DMD: variants seen among roughly 807,000 people sequenced by gnomAD.
DMD encodes mutant dystrophin.
Under a neutral mutation model 330.1 loss-of-function variants are expected in DMD, and 63 were observed. The observed-to-expected ratio is 0.19, with a 90% confidence interval of 0.16 to 0.24. The LOEUF is 0.24. DMD is among the 10% of genes least tolerant of loss of function. DMD has a pLI of 1.00. For synonymous variants in DMD, 1,223 were observed against 959.8 expected, an observed-to-expected ratio of 1.27 and a Z score of -5.07; for missense variants, 3,344 against 2,684.1, an observed-to-expected ratio of 1.25 and a Z score of -5.43.
At chrX:31,224,089 T>C (rs1296736614) in intron 63 of DMD, among the ~76,000 whole-genome samples, 1 of 111,790 alleles carries the variant, frequency 8.9e-6, no homozygotes, top group African/African-American at 3.3e-5. Flanking sequence ...GCTACATTTA[T>C]TTCAGGAACT....
At chrX:31,675,529 G>C (rs1054223398) in intron 53 of DMD, among the ~76,000 whole-genome samples, 10 of 110,687 alleles carry the variant, frequency 9.0e-5, no homozygotes, top group African/African-American at 3.3e-4. Context: ...CGCCAGGCTA[G>C]TTTTTGTATT....
intron 48 of DMD, among the ~76,000 whole-genome samples, chrX:31,851,359 T>C (rs1278117171): frequency 8.0e-5 from 9 of 111,891 alleles, no homozygotes; most frequent in East Asian, 2.8e-4. Context: ...TAATGCAGCA[T>C]TGATTTTTAA....
chrX:31,560,181 T>C (rs1387742381), intron 55 of DMD, among the ~76,000 whole-genome samples: 4 of 112,066 alleles, frequency 3.6e-5, no homozygotes, highest in Non-Finnish European at 7.5e-5. Context: ...GGCTTGTGCA[T>C]GCAGATCTTT....
chrX:32,299,515 A>T (rs1419795931), intron 42 of DMD, among the ~76,000 whole-genome samples: 1 of 100,672 alleles, frequency 9.9e-6, no homozygotes, highest in Non-Finnish European at 2.0e-5. Context: ...TTCTGATACA[A>T]TTTTTTTTTT....
intron 33 of DMD, among the ~76,000 whole-genome samples, chrX:32,384,325 T>C (rs951786094): frequency 9.0e-6 from 1 of 110,561 alleles, no homozygotes; most frequent in Non-Finnish European, 1.9e-5. Flanking sequence ...CTGTCTGTGG[T>C]GATCTTTAAA....
chrX:31,670,490 T>G (rs2081694833), intron 53 of DMD, among the ~76,000 whole-genome samples: 1 of 111,955 alleles, frequency 8.9e-6, no homozygotes, highest in African/African-American at 3.2e-5. Context: ...CTTCTGTAAT[T>G]AAGTGTCACA....
At chrX:31,844,939 G>A (rs1362437148) in intron 48 of DMD, among the ~76,000 whole-genome samples, 1 of 109,479 alleles carries the variant, frequency 9.1e-6, no homozygotes, top group Non-Finnish European at 1.9e-5. Flanking sequence ...ATATGTACCA[G>A]GAAACCAAAA....
intron 9 of DMD, among the ~76,000 whole-genome samples, chrX:32,683,285 A>G (rs932355945): frequency 4.5e-5 from 5 of 110,745 alleles, no homozygotes; most frequent in African/African-American, 1.3e-4. Context: ...CAGCCATCAC[A>G]TTACTGGGTA....
At chrX:31,734,579 G>A (rs917058643) in intron 51 of DMD, among the ~76,000 whole-genome samples, 1 of 111,525 alleles carries the variant, frequency 9.0e-6, no homozygotes, top group South Asian at 3.8e-4. Context: ...ACAGAGGCCA[G>A]GTATTTTGTA....
intron 60 of DMD, among the ~76,000 whole-genome samples, chrX:31,349,963 C>T (rs111510326): frequency 0.014 from 1,545 of 111,747 alleles, 14 homozygotes; most frequent in Non-Finnish European, 0.022. Flanking sequence ...CAATTAAGTG[C>T]CTAGTGTATA....
At chrX:32,353,419 T>A (rs1354648627) in intron 37 of DMD, among the ~76,000 whole-genome samples, 1 of 111,603 alleles carries the variant, frequency 9.0e-6, no homozygotes, top group Non-Finnish European at 1.9e-5. Context: ...ACAAAGTATA[T>A]CATGCCTGCT....
chrX:31,131,659 A>C (rs1303785437), intron 77 of DMD, among the ~76,000 whole-genome samples: 1 of 111,610 alleles, frequency 9.0e-6, no homozygotes, highest in Non-Finnish European at 1.9e-5. Flanking sequence ...TATCAGCTGA[A>C]CACATCTACC....
chrX:32,864,424 G>A (rs1189834121), intron 2 of DMD, among the ~76,000 whole-genome samples: 2 of 112,166 alleles, frequency 1.8e-5, no homozygotes, highest in African/African-American at 6.5e-5. Context: ...GCAAGGGTTA[G>A]GTGAGTTTTA....
chrX:31,261,426 G>T (rs2050504301), intron 62 of DMD: 2 of 171,083 alleles, frequency 1.2e-5, no homozygotes, highest in South Asian at 2.4e-4. Context: ...CCGGACATTA[G>T]TTCAATAAAT....
At chrX:32,613,258 C>T (rs2057311794) in intron 12 of DMD, among the ~76,000 whole-genome samples, 1 of 110,740 alleles carries the variant, frequency 9.0e-6, no homozygotes, top group Admixed American at 9.7e-5. Flanking sequence ...ATGTGGCAAC[C>T]CTAATCCTGG....
At chrX:32,347,745 A>G (rs918146858) in intron 38 of DMD, among the ~76,000 whole-genome samples, 4 of 110,970 alleles carry the variant, frequency 3.6e-5, no homozygotes, top group Admixed American at 9.6e-5. Context: ...TGAAGAGAGA[A>G]AAAAAAAGTC....
chrX:31,956,812 G>T (rs2095250609), intron 45 of DMD, among the ~76,000 whole-genome samples: 1 of 112,250 alleles, frequency 8.9e-6, no homozygotes, highest in Admixed American at 9.4e-5. Context: ...AACAAGAAAG[G>T]GGAAGTAAGA....
At chrX:31,140,320 T>C (rs1353108173) in intron 76 of DMD, among the ~76,000 whole-genome samples, 1 of 112,648 alleles carries the variant, frequency 8.9e-6, no homozygotes, top group Non-Finnish European at 1.9e-5. Flanking sequence ...TATTTTCTCT[T>C]TTTTTTAAAA....
intron 1 of DMD, among the ~76,000 whole-genome samples, chrX:33,290,106 C>G (rs2053491217): frequency 9.0e-6 from 1 of 111,656 alleles, no homozygotes; most frequent in Non-Finnish European, 1.9e-5. Context: ...CTTGTCAGAA[C>G]TTTGTATCAT....
Sources: gnomAD v4.1 joint callset for allele counts (sites outside exome capture counted in the v4.1 genomes callset) on GRCh38, gnomAD v4.1.1 for gene constraint, MANE v1.5 for transcripts, NCBI Gene and HGNC (gene_info 2026-07-23, HGNC 2026-07-21) for gene names.